Variants in MXRA5 observed in about 807,000 individuals in gnomAD.
MXRA5 encodes matrix remodeling associated 5.
In MXRA5, 41 loss-of-function variants were observed where a neutral mutation model predicts 112.5. The ratio of observed to expected loss-of-function variants is 0.36; its 90% CI spans 0.28 to 0.47. The LOEUF is 0.47. MXRA5 is among the 20% of genes least tolerant of loss of function. The pLI, the probability that MXRA5 is intolerant of heterozygous loss-of-function variation, is 0.99. For synonymous variants in MXRA5, 862 were observed against 900.8 expected, an observed-to-expected ratio of 0.96 and a Z score of 0.77; for missense variants, 2,150 against 2,251.0, an observed-to-expected ratio of 0.96 and a Z score of 0.91.
In MXRA5 at chrX:3,330,699, C is replaced by A. The variant is rs374676854; in HGVS notation, c.263G>T (p.Gly88Val). The change falls in exon 3 of 7, where the codon GGC (glycine) becomes GTC (valine). Residue 88 changes from glycine (G) to valine (V), a missense_variant. This residue lies in a region of MXRA5 where 386 missense variants were observed against 411.0 expected (regional missense o/e 0.94). Transcript: ENST00000217939. ...ATCGGGGATGCTTGGGATCTCATTG[C>A]CGTGAATCATAAGTAGCTCCAACTT... Reference protein sequence around the residue: ...LTKLELLMIHGNEIPSIPDGA... With the variant: ...LTKLELLMIHVNEIPSIPDGA... 8.3e-7 allele frequency: 1 copy of A among 1,209,639 alleles called. No homozygotes were observed. The highest frequency in any genetic ancestry group is 1.1e-6 in the Non-Finnish European group (1 of 894,427).
chrX:3,340,802 CTTG>C (rs2072380181), intron 2 of MXRA5, among the ~76,000 whole-genome samples: 1 of 104,824 alleles, frequency 9.5e-6, no homozygotes, highest in African/African-American at 3.5e-5. Flanking sequence ...AAGTAATAGT[CTTG>C]TTGGTGCTGT....
At position 3,343,835 on chromosome X, in the gene MXRA5, T is replaced by C. The variant is rs1922045749; in HGVS notation, c.-2A>G. On this transcript the variant is annotated 5_prime_UTR_variant, in exon 2 of 7. Transcript: ENST00000217939. ...CCCCCAGTGCGCGCGCTTGGGCATC[T>C]TGTCGGGGTGCCTGATTCTCGGATA... 1.7e-6 allele frequency: 2 copies of C among 1,197,840 alleles called. No homozygotes were observed. The highest frequency in any genetic ancestry group is 2.3e-6 in the Non-Finnish European group (2 of 886,021).
intron 2 of MXRA5, among the ~76,000 whole-genome samples, chrX:3,339,943 T>C (rs775004816): frequency 1.8e-5 from 2 of 112,149 alleles, no homozygotes; most frequent in East Asian, 5.6e-4. Flanking sequence ...TGCAAAATTA[T>C]GTCTTCGGTT....
At position 3,345,497 on chromosome X, in the gene MXRA5, G is replaced by A. The variant is rs202142307; in HGVS notation, c.-29+1018C>T. ...CGTCCTGTGCCTGCGGGCGGACTTG[G>A]CCCGGGCGTTCCATAGGACTCTTCA... On this transcript the variant is annotated intron_variant, in intron 1 of 6. Transcript: ENST00000217939. Among the ~76,000 whole-genome samples the A allele has an allele frequency of 4.4e-5, 5 of 113,001 alleles. No homozygotes were observed. The East Asian group carries it at 8.5e-4, about 19-fold the overall frequency.
chrX:3,338,818 A>C (rs1921843512), intron 2 of MXRA5, among the ~76,000 whole-genome samples: 3 of 110,743 alleles, frequency 2.7e-5, no homozygotes, highest in Non-Finnish European at 5.7e-5. Flanking sequence ...GATGCATGAC[A>C]GATAGATGAT....
chrX:3,344,152 A>G (rs1331626272), intron 1 of MXRA5, among the ~76,000 whole-genome samples: 1 of 105,694 alleles, frequency 9.5e-6, no homozygotes, highest in Non-Finnish European at 1.9e-5. Context: ...TGAAACAGAG[A>G]GAGACGAGAG....
At chrX:3,315,395 A>AGATAGAT in intron 6 of MXRA5, among the ~76,000 whole-genome samples, 2 of 61,239 alleles carry the variant, frequency 3.3e-5, no homozygotes, top group African/African-American at 1.7e-4. Flanking sequence ...GATAGATGAT[A>AGATAGAT]GATAGATAGA....
At position 3,311,266 on chromosome X, in the gene MXRA5, C is replaced by T. The variant is rs1174165543; in HGVS notation, c.6937G>A (p.Glu2313Lys). 8 of 1,210,047 alleles carry T rather than the reference C, an allele frequency of 6.6e-6. No individual in the cohort carries two copies. Among genetic ancestry groups the T allele is most frequent in the Non-Finnish European group, 8.9e-6 (8 of 895,218 alleles). The change falls in exon 7 of 7, where the codon GAA becomes AAA. Residue 2313 changes from glutamate (E) to lysine (K), a missense_variant. Physicochemically the swap from Glu to Lys is moderately conservative, Grantham distance 56 (BLOSUM62 1). Around this residue, in one of 6 missense-constraint regions of MXRA5, gnomAD observed 1,485 missense variants for 1,471.6 expected, o/e 1.01. Transcript: ENST00000217939. ...VFNNGTLYFN[E>K]VGMREEGDYT... ...TCTCCTTCCTCCCTCATCCCCACTT[C>T]GTTAAAGTAGAGTGTCCCATTGTTG... is the stretch of plus-strand genomic sequence containing the variant.
chrX:3,343,740 C>A lies in MXRA5; in HGVS notation c.94G>T (p.Ala32Ser), dbSNP rs1170886092. Residue 32 changes from alanine to serine, a missense_variant, in exon 2 of 7, where the codon GCC becomes TCC. Ala to Ser is a moderately conservative substitution (Grantham distance 99). Coordinates refer to ENST00000217939, the MANE Select transcript of MXRA5 (RefSeq NM_015419.4). ...TGGACCTCGCTGGGGACGTAGCAGG[C>A]ACAAGGATGCGGGCAGGCCAGCGCC... ...RVALACPHPC[A>S]CYVPSEVHCT... 8.3e-7 allele frequency: 1 copy of A among 1,211,487 alleles called. No homozygotes were observed. The highest frequency in any genetic ancestry group is 2.2e-5 in the Admixed American group (1 of 46,039).
At position 3,311,449 on chromosome X, in the gene MXRA5, C is replaced by T. The variant is rs757569690; in HGVS notation, c.6754G>A (p.Asp2252Asn). The change falls in exon 7 of 7, where the codon GAC (aspartate) becomes AAC (asparagine). Residue 2252 changes from aspartate to asparagine, a missense_variant. This residue lies in a region of MXRA5 where 1,485 missense variants were observed against 1,471.6 expected (regional missense o/e 1.01). Coordinates refer to ENST00000217939, the MANE Select transcript of MXRA5 (RefSeq NM_015419.4). ...TCACCCCCGTAGAAGACTTTGTGGT[C>T]GTTCTCCTCCTTGTGTTCAATCTTG... ...PAKIEHKEEN[D>N]HKVFYGGDLK... The T allele has an allele frequency of 3.3e-5, 40 of 1,209,928 alleles. No individual in the cohort carries two copies. The highest frequency in any genetic ancestry group is 1.3e-4 in the Admixed American group (6 of 45,788).
chrX:3,341,558 ATAT>A (rs1384885753), intron 2 of MXRA5, among the ~76,000 whole-genome samples: 3 of 34,094 alleles, frequency 8.8e-5, no homozygotes, highest in Non-Finnish European at 8.0e-5. Flanking sequence ...TATATAATAT[ATAT>A]TATTATTATA....
chrX:3,330,984 C>T (rs778740829), intron 2 of MXRA5, among the ~76,000 whole-genome samples: 2 of 111,190 alleles, frequency 1.8e-5, no homozygotes, highest in Non-Finnish European at 3.8e-5. Flanking sequence ...CTCAGTGCAG[C>T]CTCCACCTCC....
chrX:3,330,467 C>A, intron 3 of MXRA5, 59 bp from the exon 4 acceptor site: 2 of 1,131,367 alleles, frequency 1.8e-6, no homozygotes, highest in South Asian at 4.4e-5. Context: ...GTTTAAAAAG[C>A]CACAACCACA....
At chrX:3,341,120 T>C in intron 2 of MXRA5, among the ~76,000 whole-genome samples, 1 of 56,289 alleles carries the variant, frequency 1.8e-5, no homozygotes, top group African/African-American at 6.9e-5. Context: ...TATAATATAT[T>C]ATACATAATA....
rs766154632 is a variant in MXRA5, at chrX:3,317,431, C to T, written c.6250G>A (p.Gly2084Arg). 9.2e-6 allele frequency: 11 copies of T among 1,199,869 alleles called. 1 individual carries two copies. The East Asian group carries it at 2.7e-4, about 30-fold the overall frequency. ...APLPSVRWVL[G>R]DGTQIRPSQF... ...GAGGGGCGGATCTGGGTACCGTCCC[C>T]GAGCACCCAGCGCACGCTGGGCAGG... The change falls in exon 6 of 7, where the codon GGG becomes AGG. Residue 2084 changes from glycine to arginine, a missense_variant. By Grantham distance (125) the Gly-to-Arg change is moderately radical (BLOSUM62 -2). Transcript: ENST00000217939.
At chrX:3,331,853 A>C (rs894000614) in intron 2 of MXRA5, among the ~76,000 whole-genome samples, 3 of 112,310 alleles carry the variant, frequency 2.7e-5, no homozygotes, top group African/African-American at 9.7e-5. Context: ...AAGCAATTTG[A>C]AAAAGGAATA....
chrX:3,316,194 G>A lies in MXRA5; in HGVS notation c.6578+909C>T, dbSNP rs765326335. Among the ~76,000 whole-genome samples, 139 of 84,920 alleles carry A rather than the reference G, an allele frequency of 1.6e-3. 1 individual carries two copies. The highest frequency in any genetic ancestry group is 3.6e-3 in the South Asian group (6 of 1,662). 73.7% of individuals were successfully genotyped at this position (84,920 alleles called of 115,157 possible). On this transcript the variant is annotated intron_variant, in intron 6 of 6. Transcript: ENST00000217939. ...CCAGGCGTGGTGGCGGGCGCCTGTA[G>A]TCCCAGCTACACGGGAGGCTGAGGC... is the stretch of plus-strand genomic sequence containing the variant.
At chrX:3,329,132 G>A (rs1451915314) in intron 4 of MXRA5, among the ~76,000 whole-genome samples, 1 of 89,866 alleles carries the variant, frequency 1.1e-5, no homozygotes, top group Non-Finnish European at 2.2e-5. Context: ...GAGGGAAGGT[G>A]GGAACCAGAG....
Position 3,321,087 on chromosome X carries a change from T to A in MXRA5, c.4598A>T (p.Tyr1533Phe), listed in dbSNP as rs200269116. The part of the protein sequence containing the change: ...RDSKENVFLN[Y>F]VGNPETEATP... ...TGCTTCTGTTTCTGGATTCCCCACA[T>A]AATTCAAGAAAACATTTTCCTTGGA... is the stretch of plus-strand genomic sequence containing the variant. Residue 1533 changes from tyrosine to phenylalanine, a missense_variant, in exon 5 of 7, where the codon TAT (tyrosine) becomes TTT (phenylalanine). This residue lies in a region of MXRA5 where 1,485 missense variants were observed against 1,471.6 expected (regional missense o/e 1.01). Transcript: ENST00000217939. The A allele has an allele frequency of 2.5e-6, 3 of 1,210,112 alleles. No homozygotes were observed. The highest frequency in any genetic ancestry group is 3.5e-5 in the African/African-American group (2 of 57,290).
Sources: allele counts gnomAD v4.1 joint callset (sites outside exome capture counted in the v4.1 genomes callset), GRCh38; gene constraint gnomAD v4.1.1; regional missense constraint gnomAD v4.1.1; transcripts MANE v1.5; gene names NCBI Gene and HGNC (gene_info 2026-07-23, HGNC 2026-07-21).